Variants in ZNF574 observed in about 807,000 individuals in gnomAD.
ZNF574 encodes zinc finger protein 574.
Under a neutral mutation model 56.6 loss-of-function variants are expected in ZNF574, and 25 were observed. The ratio of observed to expected loss-of-function variants is 0.44; its 90% CI spans 0.32 to 0.62. ZNF574 has a LOEUF of 0.62. Among genes scored for constraint, ZNF574 ranks in the 20% least tolerant of loss-of-function variants. ZNF574 has a pLI of 0.04. For missense variants in ZNF574, 1,065 were observed against 1,218.9 expected, an observed-to-expected ratio of 0.87 and a Z score of 1.88; for synonymous variants, 543 against 492.1, an observed-to-expected ratio of 1.10 and a Z score of -1.37.
At chr19:42,074,456 T>A (rs555466260), upstream of ZNF574, among the ~76,000 whole-genome samples, 5 of 145,962 alleles carry the variant, frequency 3.4e-5, no homozygotes, top group East Asian at 2.0e-4. Context: ...CTCTGTCTCA[T>A]AAATAAAATA....
rs1246280686 is a variant in ZNF574, at chr19:42,081,479, GC to G, written c.*189del. The stretch of plus-strand genomic sequence containing the variant: ...TGGGGTCCTTGACACACATAAAGGT[GC>G]CCCCCCACCTTCCACCTCTTAGCAC... On this transcript the variant is annotated 3_prime_UTR_variant, in exon 2 of 2. Transcript: ENST00000359044. 43 of 764,458 alleles carry G rather than the reference GC, an allele frequency of 5.6e-5. No individual in the cohort carries two copies. The highest frequency in any genetic ancestry group is 1.9e-4 in the South Asian group (11 of 57,758). 47.4% of individuals were successfully genotyped at this position (764,458 alleles called of 1,614,324 possible).
chr19:42,080,083 C>T lies in ZNF574; in HGVS notation c.1477C>T (p.Arg493Trp), dbSNP rs773903789. 2.5e-6 allele frequency: 4 copies of T among 1,614,006 alleles called. No individual in the cohort carries two copies. Among genetic ancestry groups the T allele is most frequent in the East Asian group, 2.2e-5 (1 of 44,870 alleles). The change falls in exon 2 of 2, where the codon CGG (arginine) becomes TGG (tryptophan). Residue 493 changes from arginine (R) to tryptophan (W), a missense_variant. Arg to Trp is a moderately radical substitution (Grantham distance 101). Coordinates refer to ENST00000359044, the MANE Select transcript of ZNF574 (RefSeq NM_022752.6). This position sits in a 1 kb window ranked among gnomAD's most constrained non-coding sequence, Gnocchi z 8.5. ...CCAACGTTTTGTGCATCGGCTGGAGCGGCGCCATAAATGCAGCATTTGTGG... is the reference window on the plus strand; with the variant it reads ...CCAACGTTTTGTGCATCGGCTGGAGTGGCGCCATAAATGCAGCATTTGTGG... The part of the protein sequence containing the change: ...RHQRFVHRLE[R>W]RHKCSICGKM...
At position 42,078,945 on chromosome 19, in the gene ZNF574, A is replaced by G. The variant is rs575178033; in HGVS notation, c.339A>G (p.Ser113=). 1 of 1,613,954 alleles carries G rather than the reference A, an allele frequency of 6.2e-7. No homozygotes were observed. The highest frequency in any genetic ancestry group is 1.1e-5 in the South Asian group (1 of 91,068). Residue 113 remains serine, a synonymous_variant, in exon 2 of 2, where the codon TCA becomes TCG. Transcript: ENST00000359044. ...APQEAVPAEP[S]PKAPPLSSST... is the part of the protein sequence containing the mutation. ...AGGAGGCAGTGCCAGCTGAGCCATC[A>G]CCTAAGGCACCACCCCTGAGCTCCA...
chr19:42,080,002 T>C lies in ZNF574; in HGVS notation c.1396T>C (p.Tyr466His). ...TSAGPAAPGT[Y>H]RCLLCSREFG... ...AGCAGGGCCCGCTGCCCCAGGCACC[T>C]ACCGCTGCCTCCTGTGCAGCCGTGA... Residue 466 changes from tyrosine to histidine, a missense_variant, in exon 2 of 2, where the codon TAC becomes CAC. Tyr to His is a moderately conservative substitution (Grantham distance 83). Coordinates refer to ENST00000359044, the MANE Select transcript of ZNF574 (RefSeq NM_022752.6). This position sits in a 1 kb window ranked among gnomAD's most constrained non-coding sequence, Gnocchi z 8.5. 1 of 1,614,036 alleles carries C rather than the reference T, an allele frequency of 6.2e-7. No individual in the cohort carries two copies. Among genetic ancestry groups the C allele is most frequent in the Non-Finnish European group, 8.5e-7 (1 of 1,180,024 alleles).
At chr19:42,068,767 G>A in exon 1 of ZNF574, 1 of 531,322 alleles carries the variant, frequency 1.9e-6, no homozygotes, top group South Asian at 2.5e-5. Flanking sequence ...GAGTCAGAGA[G>A]GGGCCCAAGA....
exon 1 of ZNF574, chr19:42,068,863 G>A (rs992755024): frequency 1.8e-5 from 12 of 683,290 alleles, no homozygotes; most frequent in South Asian, 4.6e-5. Context: ...AAGGCCCACC[G>A]CAGGCAGAGG....
In ZNF574 at chr19:42,080,235, C is replaced by A. The variant is rs1449085039; in HGVS notation, c.1629C>A (p.Leu543=). Residue 543 remains leucine (L), a synonymous_variant, in exon 2 of 2, where the codon CTC becomes CTA. Transcript: ENST00000359044. The surrounding 1 kb of genome is among the most constrained non-coding windows in gnomAD (Gnocchi z 8.5). ...CTGCCAACCTGGCCCGCCACCGGCT[C>A]ACACACACAGGAGAGCGGCCCTACC... The part of the protein sequence containing the change: ...NSPANLARHR[L]THTGERPYRC... 2 of 1,613,956 alleles carry A rather than the reference C, an allele frequency of 1.2e-6. No individual in the cohort carries two copies. The highest frequency in any genetic ancestry group is 2.7e-5 in the African/African-American group (2 of 74,896).
At chr19:42,074,154 T>A (rs1157182385), upstream of ZNF574, among the ~76,000 whole-genome samples, 1 of 129,164 alleles carries the variant, frequency 7.7e-6, no homozygotes, top group Non-Finnish European at 1.7e-5. Flanking sequence ...AAAAAAAAAA[T>A]TAAATTAAAT....
At position 42,079,406 on chromosome 19, in the gene ZNF574, A is replaced by G. The variant is rs1568944406; in HGVS notation, c.800A>G (p.Asp267Gly). 6.2e-7 allele frequency: 1 copy of G among 1,613,450 alleles called. No homozygotes were observed. The highest frequency in any genetic ancestry group is 2.2e-5 in the East Asian group (1 of 44,884). The stretch of plus-strand genomic sequence containing the variant: ...GCAGAGGTGCCTGTGTCTCAGCCTG[A>G]CCCCTTGCCAGCTTCTGACCACAGT... ...SPAEVPVSQPDPLPASDHSYE... is the reference protein window; with the variant it reads ...SPAEVPVSQPGPLPASDHSYE... Residue 267 changes from aspartate (D) to glycine (G), a missense_variant, in exon 2 of 2, where the codon GAC (aspartate) becomes GGC (glycine). Physicochemically the swap from Asp to Gly is moderately conservative, Grantham distance 94 (BLOSUM62 -1). Coordinates refer to ENST00000359044, the MANE Select transcript of ZNF574 (RefSeq NM_022752.6). This position sits in a 1 kb window ranked among gnomAD's most constrained non-coding sequence, Gnocchi z 4.3.
At position 42,080,070 on chromosome 19, in the gene ZNF574, G is replaced by A; in HGVS notation, c.1464G>A (p.Val488=). Residue 488 remains valine, a synonymous_variant, in exon 2 of 2, where the codon GTG becomes GTA. Transcript: ENST00000359044. The surrounding 1 kb of genome is among the most constrained non-coding windows in gnomAD (Gnocchi z 8.5). ...AGCTGACCCGGCACCAACGTTTTGT[G>A]CATCGGCTGGAGCGGCGCCATAAAT... is the stretch of plus-strand genomic sequence containing the variant. ...ALQLTRHQRF[V]HRLERRHKCS... 1 of 1,614,156 alleles carries A rather than the reference G, an allele frequency of 6.2e-7. No homozygotes were observed. Among genetic ancestry groups the A allele is most frequent in the Non-Finnish European group, 8.5e-7 (1 of 1,180,020 alleles).
rs372485929 is a variant in ZNF574, at chr19:42,078,780, A to C, written c.174A>C (p.Thr58=). The change falls in exon 2 of 2, where the codon ACA becomes ACC. Residue 58 remains threonine, a synonymous_variant. Coordinates refer to ENST00000359044, the MANE Select transcript of ZNF574 (RefSeq NM_022752.6). ...GVADPGVTVA[T]DTASGTGLYQ... ...CTGATCCCGGAGTCACTGTGGCCAC[A>C]GACACAGCTTCAGGCACGGGCCTCT... The C allele has an allele frequency of 3.7e-6, 6 of 1,613,998 alleles. No individual in the cohort carries two copies. In the Admixed American group the frequency reaches 6.7e-5, roughly 18 times the overall value.
rs369147146 is a variant in ZNF574 at position 42,079,722 on chromosome 19, C to G, written c.1116C>G (p.Ala372=). ...TCCTGTGTGTAGACTGTGGCCTGGCCTTCGGCACAGAGGCCCTCCTCCTGG... is the reference window on the plus strand; with the variant it reads ...TCCTGTGTGTAGACTGTGGCCTGGCGTTCGGCACAGAGGCCCTCCTCCTGG... ...SHFLCVDCGL[A]FGTEALLLAH... The change falls in exon 2 of 2, where the codon GCC becomes GCG. Residue 372 remains alanine (A), a synonymous_variant. Transcript: ENST00000359044. The surrounding 1 kb of genome is among the most constrained non-coding windows in gnomAD (Gnocchi z 4.3). 63 of 1,614,096 alleles carry G rather than the reference C, an allele frequency of 3.9e-5. No homozygotes were observed. The highest frequency in any genetic ancestry group is 5.2e-5 in the Non-Finnish European group (61 of 1,180,058).
chr19:42,072,461 C>A (rs1227262358), upstream of ZNF574, among the ~76,000 whole-genome samples: 1 of 152,116 alleles, frequency 6.6e-6, no homozygotes, highest in African/African-American at 2.4e-5. Flanking sequence ...TGGTCTCGAT[C>A]TCCTGACTTC....
Position 42,078,682 on chromosome 19 carries a change from G to A in ZNF574, c.76G>A (p.Gly26Arg), listed in dbSNP as rs1231634376. The change falls in exon 2 of 2, where the codon GGA becomes AGA. Residue 26 changes from glycine to arginine, a missense_variant. Transcript: ENST00000359044. ...CTGCTCTGAGTGCAACCAGCTGTAT[G>A]GATCACTGGAAGAGGTGCTTATGCA... ...YVCSECNQLY[G>R]SLEEVLMHQN... 2 of 1,614,062 alleles carry A rather than the reference G, an allele frequency of 1.2e-6. No homozygotes were observed. Among genetic ancestry groups the A allele is most frequent in the Non-Finnish European group, 8.5e-7 (1 of 1,179,976 alleles).
Position 42,080,808 on chromosome 19 carries a change from C to T in ZNF574, c.2202C>T (p.Arg734=), listed in dbSNP as rs1364189322. The T allele has an allele frequency of 2.5e-6, 4 of 1,614,036 alleles. No individual in the cohort carries two copies. The highest frequency in any genetic ancestry group is 1.7e-5 in the Admixed American group (1 of 60,034). ...TATASPAAPA[R]RRGLECSECK... is the part of the protein sequence containing the mutation. ...CAGCATCCCCTGCGGCCCCTGCCCG[C>T]CGCCGGGGTCTAGAGTGCAGCGAGT... The change falls in exon 2 of 2, where the codon CGC becomes CGT. Residue 734 remains arginine (R), a synonymous_variant. Coordinates refer to ENST00000359044, the MANE Select transcript of ZNF574 (RefSeq NM_022752.6). This position sits in a 1 kb window ranked among gnomAD's most constrained non-coding sequence, Gnocchi z 8.5.
rs757397407 is a variant in ZNF574, at chr19:42,080,734, G to C, written c.2128G>C (p.Ala710Pro). ...GCCCCCTGCCCCTCGAGCCCCACGGGCCACTCGTGCACCAGTTGCCTCTCC... is the reference window on the plus strand; with the variant it reads ...GCCCCCTGCCCCTCGAGCCCCACGGCCCACTCGTGCACCAGTTGCCTCTCC... ...KEPPAPRAPR[A>P]TRAPVASPAA... is the part of the protein sequence containing the mutation. Residue 710 changes from alanine (A) to proline (P), a missense_variant, in exon 2 of 2, where the codon GCC (alanine) becomes CCC (proline). Physicochemically the swap from Ala to Pro is conservative, Grantham distance 27. Coordinates refer to ENST00000359044, the MANE Select transcript of ZNF574 (RefSeq NM_022752.6). This position sits in a 1 kb window ranked among gnomAD's most constrained non-coding sequence, Gnocchi z 8.5. 23 of 1,613,644 alleles carry C rather than the reference G, an allele frequency of 1.4e-5. No individual in the cohort carries two copies. Among genetic ancestry groups the C allele is most frequent in the Non-Finnish European group, 1.9e-5 (22 of 1,180,018 alleles).
chr19:42,075,941 G>A (rs1361338803), upstream of ZNF574, among the ~76,000 whole-genome samples: 1 of 152,240 alleles, frequency 6.6e-6, no homozygotes, highest in Non-Finnish European at 1.5e-5. Flanking sequence ...TAAAGGGGCG[G>A]GCACTATCCA....
chr19:42,078,790 T>A lies in ZNF574; in HGVS notation c.184T>A (p.Ser62Thr). The A allele has an allele frequency of 6.2e-7, 1 of 1,614,048 alleles. No individual in the cohort carries two copies. Among genetic ancestry groups the A allele is most frequent in the Non-Finnish European group, 8.5e-7 (1 of 1,179,950 alleles). ...PGVTVATDTA[S>T]GTGLYQTLVQ... ...AGTCACTGTGGCCACAGACACAGCT[T>A]CAGGCACGGGCCTCTATCAGACCCT... is the stretch of plus-strand genomic sequence containing the variant. The change falls in exon 2 of 2, where the codon TCA becomes ACA. Residue 62 changes from serine to threonine, a missense_variant. Physicochemically the swap from Ser to Thr is moderately conservative, Grantham distance 58 (BLOSUM62 1). Coordinates refer to ENST00000359044, the MANE Select transcript of ZNF574 (RefSeq NM_022752.6).
intron 1 of ZNF574, among the ~76,000 whole-genome samples, chr19:42,076,619 C>G (rs1357638614): frequency 6.6e-6 from 1 of 152,178 alleles, no homozygotes; most frequent in Admixed American, 6.5e-5. Flanking sequence ...GGGTAAAGGA[C>G]TTGGTGGTGT....
Sources: gnomAD v4.1 joint callset for allele counts (sites outside exome capture counted in the v4.1 genomes callset) on GRCh38, gnomAD v4.1.1 for gene constraint, Gnocchi (gnomAD v3.1) non-coding constraint, MANE v1.5 for transcripts, NCBI Gene and HGNC (gene_info 2026-07-23, HGNC 2026-07-21) for gene names.